The following TNRC18 variants were observed in gnomAD, a reference collection of about 807,000 sequenced individuals.
The protein encoded by TNRC18 is trinucleotide repeat containing 18.
In TNRC18, 69 loss-of-function variants were observed where a neutral mutation model predicts 226.7. That is an observed-to-expected ratio of 0.30 (90% CI 0.25 to 0.37). The LOEUF (loss-of-function observed/expected upper bound fraction) is 0.37, where lower values mean the gene tolerates loss of function less well. Ranked by LOEUF, TNRC18 falls within the 10% of genes least tolerant of loss-of-function variation. TNRC18 has a pLI of 1.00. For missense variants in TNRC18, 4,754 were observed against 4,256.6 expected, an observed-to-expected ratio of 1.12 and a Z score of -3.25; for synonymous variants, 2,449 against 1,927.6, an observed-to-expected ratio of 1.27 and a Z score of -7.09.
intron 14 of TNRC18, 67 bp downstream of exon 14, chr7:5,361,527 C>T (rs1000732472): frequency 2.5e-5 from 36 of 1,424,550 alleles, no homozygotes; most frequent in South Asian, 3.0e-5. Flanking sequence ...GCAGGCCCTG[C>T]GTGGGGCCCG....
At chr7:5,315,637 T>C (rs940535364) in intron 25 of TNRC18, among the ~76,000 whole-genome samples, 20 of 152,196 alleles carry the variant, frequency 1.3e-4, no homozygotes, top group Non-Finnish European at 2.6e-4. Flanking sequence ...TTGGCTGGGA[T>C]GGTCTCGATC....
At position 5,312,484 on chromosome 7, in the gene TNRC18, C is replaced by T. The variant is rs1313633608; in HGVS notation, c.8388+19G>A. On this transcript the variant is annotated intron_variant, in intron 27 of 29. Transcript: ENST00000430969. The surrounding 1 kb of genome is among the most constrained non-coding windows in gnomAD (Gnocchi z 6.3). ...AGGCCCCCGGCCCCTCGGCCGTGCC[C>T]GGGCGCGAGCTTGCTCACCTGGGTG... 8.1e-6 allele frequency: 13 copies of T among 1,607,830 alleles called. No homozygotes were observed. In the East Asian group the frequency reaches 1.1e-4, roughly 14 times the overall value.
intron 10 of TNRC18, 63 bp from the exon 11 acceptor site, chr7:5,371,427 C>T: frequency 7.0e-7 from 1 of 1,437,954 alleles, no homozygotes; most frequent in Non-Finnish European, 9.1e-7. Flanking sequence ...TCCCCACTGA[C>T]ACCCGCCCAC....
At chr7:5,418,561 A>T (rs1334370706) in intron 2 of TNRC18, among the ~76,000 whole-genome samples, 1 of 152,154 alleles carries the variant, frequency 6.6e-6, no homozygotes, top group Non-Finnish European at 1.5e-5. Context: ...GCGCTCATCC[A>T]CGTCCGCAGA....
At position 5,377,302 on chromosome 7, in the gene TNRC18, C is replaced by T; in HGVS notation, c.2461+69G>A. ...GGCAGGCAGGAGCCAGCCCTGAGCT[C>T]TTGTCCTGCACCCGCCCCCTCCCAC... On this transcript the variant is annotated intron_variant, in intron 7 of 29. Coordinates refer to ENST00000430969, the MANE Select transcript of TNRC18 (RefSeq NM_001080495.3). The surrounding 1 kb of genome is among the most constrained non-coding windows in gnomAD (Gnocchi z 5.8). The T allele has an allele frequency of 1.4e-6, 2 of 1,413,322 alleles. No individual in the cohort carries two copies. The highest frequency in any genetic ancestry group is 1.9e-6 in the Non-Finnish European group (2 of 1,061,488). The allele number at this position is 1,413,322 out of a possible 1,614,324, so 87.5% of individuals were successfully genotyped here. A position where few individuals can be genotyped will look rare whatever the true frequency, so the allele number is the denominator to read the frequency against.
Position 5,353,239 on chromosome 7 carries a change from C to T in TNRC18, c.5195-1145G>A, listed in dbSNP as rs141401267. Among the ~76,000 whole-genome samples, 1,391 of 152,308 alleles carry T rather than the reference C, an allele frequency of 9.1e-3. 22 individuals are homozygous for T. Among genetic ancestry groups the T allele is most frequent in the South Asian group, 0.054 (259 of 4,828 alleles). Reference sequence around the variant, plus strand: ...GGGTGACAACCAACTTGGCCTCCTACAAGAACCCACAGGGAGGTCGGGTGC... The same window carrying T: ...GGGTGACAACCAACTTGGCCTCCTATAAGAACCCACAGGGAGGTCGGGTGC... On this transcript the variant is annotated intron_variant, in intron 16 of 29. Coordinates refer to ENST00000430969, the MANE Select transcript of TNRC18 (RefSeq NM_001080495.3).
rs1272939833 is a variant in TNRC18 at position 5,388,854 on chromosome 7, G to C, written c.970C>G (p.Leu324Val). The C allele has an allele frequency of 6.3e-6, 8 of 1,264,508 alleles. No homozygotes were observed. The highest frequency in any genetic ancestry group is 8.0e-6 in the Non-Finnish European group (8 of 1,001,496). The allele number at this position is 1,264,508 out of a possible 1,614,324, so 78.3% of individuals were successfully genotyped here. ...GARLLRRTET[L>V]LPGPRPCPSP... ...GGGCAGGGGCGCGGCCCAGGGAGCAGGGTCTCCGTGCGCCGCAGCAGCCGC... is the reference window on the plus strand; with the variant it reads ...GGGCAGGGGCGCGGCCCAGGGAGCACGGTCTCCGTGCGCCGCAGCAGCCGC... Residue 324 changes from leucine to valine, a missense_variant, in exon 5 of 30, where the codon CTG (leucine) becomes GTG (valine). Coordinates refer to ENST00000430969, the MANE Select transcript of TNRC18 (RefSeq NM_001080495.3).
At chr7:5,323,188 CCTT>C (rs915100863) in intron 21 of TNRC18, among the ~76,000 whole-genome samples, 7 of 152,144 alleles carry the variant, frequency 4.6e-5, no homozygotes, top group Non-Finnish European at 7.4e-5. Context: ...GCGGCCGACT[CCTT>C]CTCACTCGCT....
At position 5,370,654 on chromosome 7, in the gene TNRC18, C is replaced by T. The variant is rs761271338; in HGVS notation, c.3940G>A (p.Val1314Met). The change falls in exon 11 of 30, where the codon GTG (valine) becomes ATG (methionine). Residue 1314 changes from valine (V) to methionine (M), a missense_variant. Transcript: ENST00000430969. ...QCPSLEPQEA[V>M]PVLGSTCFLE... ...AAGCAGGTGCTGCCGAGTACAGGCA[C>T]GGCCTCTTGGGGCTCCAGGCTCGGG... The T allele has an allele frequency of 6.2e-6, 10 of 1,612,884 alleles. No homozygotes were observed. Among genetic ancestry groups the T allele is most frequent in the South Asian group, 4.4e-5 (4 of 91,012 alleles).
chr7:5,370,606 G>C lies in TNRC18; in HGVS notation c.3988C>G (p.Gln1330Glu), dbSNP rs745858650. 1.1e-5 allele frequency: 18 copies of C among 1,613,346 alleles called. No individual in the cohort carries two copies. The highest frequency in any genetic ancestry group is 1.4e-5 in the Non-Finnish European group (17 of 1,179,782). The change falls in exon 11 of 30, where the codon CAG (glutamine) becomes GAG (glutamate). Residue 1330 changes from glutamine to glutamate, a missense_variant. Coordinates refer to ENST00000430969, the MANE Select transcript of TNRC18 (RefSeq NM_001080495.3). Reference protein sequence around the residue: ...TCFLEEASSDQFLPSLEDPLA... With the variant: ...TCFLEEASSDEFLPSLEDPLA... ...GGGTCCTCCAGACTGGGCAGGAACT[G>C]GTCAGAGCTTGCCTCTTCCAGGAAG...
intron 15 of TNRC18, among the ~76,000 whole-genome samples, chr7:5,358,424 T>G (rs1263664896): frequency 6.6e-6 from 1 of 152,140 alleles, no homozygotes; most frequent in South Asian, 2.1e-4. Context: ...TCACCACAAT[T>G]TGAAAGTAAA....
Position 5,388,754 on chromosome 7 carries a change from T to C in TNRC18, c.1070A>G (p.Tyr357Cys), listed in dbSNP as rs946630961. ...ACGGCCCTGCTCGCGGAAGACGGTG[T>C]AGACGCCGGCGGGGGTGGCCGCGGG... The part of the protein sequence containing the change: ...APPAATPAGV[Y>C]TVFREQGREH... Residue 357 changes from tyrosine (Y) to cysteine (C), a missense_variant, in exon 5 of 30, where the codon TAC becomes TGC. By Grantham distance (194) the Tyr-to-Cys change is radical (BLOSUM62 -2). Transcript: ENST00000430969. 1.0e-5 allele frequency: 13 copies of C among 1,238,262 alleles called. No individual in the cohort carries two copies. In the African/African-American group the frequency reaches 1.9e-4, roughly 19 times the overall value. The allele number at this position is 1,238,262 out of a possible 1,614,324, so 76.7% of individuals were successfully genotyped here.
intron 1 of TNRC18, chr7:5,422,818 C>T (rs1304837838): frequency 1.3e-5 from 2 of 152,268 alleles, no homozygotes; most frequent in East Asian, 3.8e-4. Flanking sequence ...TTCGCGTTTA[C>T]TTTGGAAAAA....
chr7:5,389,121 G>A lies in TNRC18; in HGVS notation c.703C>T (p.Pro235Ser), dbSNP rs748663921. Residue 235 changes from proline to serine, a missense_variant, in exon 5 of 30, where the codon CCA (proline) becomes TCA (serine). Physicochemically the swap from Pro to Ser is moderately conservative, Grantham distance 74 (BLOSUM62 -1). Transcript: ENST00000430969. ...PRARGEEASG[P>S]RGVVDLTQEA... Reference sequence around the variant, plus strand: ...TGGGTCAGGTCCACCACGCCCCGTGGCCCCGAGGCCTCCTCGCCCCGGGCG... The same window carrying A: ...TGGGTCAGGTCCACCACGCCCCGTGACCCCGAGGCCTCCTCGCCCCGGGCG... 3.8e-6 allele frequency: 5 copies of A among 1,317,144 alleles called. No homozygotes were observed. The highest frequency in any genetic ancestry group is 1.7e-5 in the South Asian group (1 of 58,888). 81.6% of individuals were successfully genotyped at this position (1,317,144 alleles called of 1,614,324 possible). A position where few individuals can be genotyped will look rare whatever the true frequency, so the allele number is the denominator to read the frequency against.
At chr7:5,329,969 C>G (rs753096482) in intron 19 of TNRC18, 1 of 471,084 alleles carries the variant, frequency 2.1e-6, no homozygotes, top group Non-Finnish European at 4.4e-6. Flanking sequence ...GTAGCAGGAA[C>G]CTGGAACAGA....
chr7:5,422,493 G>A (rs532981170), intron 1 of TNRC18, among the ~76,000 whole-genome samples: 313 of 152,344 alleles, frequency 2.1e-3, no homozygotes, highest in Non-Finnish European at 3.5e-3. Flanking sequence ...GAGGATGGGA[G>A]GGGGTCTTGG....
At chr7:5,369,242 G>C (rs1041412028) in intron 11 of TNRC18, among the ~76,000 whole-genome samples, 10 of 152,172 alleles carry the variant, frequency 6.6e-5, no homozygotes, top group African/African-American at 2.2e-4. Context: ...CAGCTACCTG[G>C]GAGGCTGAAG....
At chr7:5,352,148 T>C (rs1583876371) in intron 16 of TNRC18, 54 bp from the exon 17 acceptor site, 10 of 1,508,916 alleles carry the variant, frequency 6.6e-6, no homozygotes, top group Non-Finnish European at 8.0e-6. Flanking sequence ...CAGGAGCTGG[T>C]GTCATTTTAT....
In TNRC18 at chr7:5,308,187, C is replaced by G. The variant is rs1296789857; in HGVS notation, c.8826G>C (p.Glu2942Asp). The G allele has an allele frequency of 1.2e-6, 2 of 1,603,150 alleles. No individual in the cohort carries two copies. The highest frequency in any genetic ancestry group is 3.4e-5 in the Admixed American group (2 of 58,678). ...MLKTKKYQDS[E>D]GLYYLAGTYE... The stretch of plus-strand genomic sequence containing the variant: ...AGGTGCCCGCGAGGTAGTACAGGCC[C>G]TCGCTGTCCTGGTACTTCTTGGTCT... The change falls in exon 30 of 30, where the codon GAG (glutamate) becomes GAC (aspartate). Residue 2942 changes from glutamate (E) to aspartate (D), a missense_variant. Transcript: ENST00000430969.
Sources: allele counts gnomAD v4.1 joint callset (sites outside exome capture counted in the v4.1 genomes callset), GRCh38; gene constraint gnomAD v4.1.1; non-coding constraint Gnocchi (gnomAD v3.1); transcripts MANE v1.5; gene names NCBI Gene and HGNC (gene_info 2026-07-23, HGNC 2026-07-21).